Variants in TENM1 observed in about 807,000 individuals in gnomAD.
The protein encoded by TENM1 is teneurin transmembrane protein 1.
Under a neutral mutation model 174.8 loss-of-function variants are expected in TENM1, and 35 were observed. The observed-to-expected ratio is 0.20, with a 90% confidence interval of 0.15 to 0.27. The LOEUF is 0.27. TENM1 is among the 10% of genes least tolerant of loss of function. TENM1 has a pLI of 1.00. For synonymous variants in TENM1, 781 were observed against 798.7 expected, an observed-to-expected ratio of 0.98 and a Z score of 0.37; for missense variants, 1,633 against 2,130.1, an observed-to-expected ratio of 0.77 and a Z score of 4.59.
chrX:124,460,990 C>G (rs941807915), intron 22 of TENM1, among the ~76,000 whole-genome samples: 3 of 111,813 alleles, frequency 2.7e-5, no homozygotes, highest in African/African-American at 9.7e-5. Context: ...TGACCCGTCC[C>G]AAAAATTGTT....
chrX:124,864,414 T>C (rs1484108680), intron 3 of TENM1, among the ~76,000 whole-genome samples: 1 of 111,717 alleles, frequency 9.0e-6, no homozygotes, highest in African/African-American at 3.3e-5. Context: ...AATAATTCAA[T>C]AGAGTCAAGC....
intron 3 of TENM1, among the ~76,000 whole-genome samples, chrX:124,809,843 G>GGAGAGAGAGAGAGAGAGAGA: frequency 1.3e-5 from 1 of 78,674 alleles, no homozygotes; most frequent in Non-Finnish European, 2.4e-5. Context: ...CATGACAGCA[G>GGAGAGAGAGAGAGAGAGAGA]GAGAGAGAGA....
rs187086769 is a variant in TENM1 at position 124,924,819 on chromosome X, C to T, written c.218-28578G>A. Among the ~76,000 whole-genome samples the T allele has an allele frequency of 5.9e-3, 656 of 111,146 alleles. 2 individuals are homozygous for T. The highest frequency in any genetic ancestry group is 0.021 in the African/African-American group (633 of 30,608). On this transcript the variant is annotated intron_variant, in intron 1 of 31. Coordinates refer to ENST00000422452, the Ensembl canonical transcript of TENM1. Reference sequence around the variant, plus strand: ...ATTTGTGGCTGGACGAGGAAGGAGTCTTCATGCCATACTTCACTGTGCACT... The same window carrying T: ...ATTTGTGGCTGGACGAGGAAGGAGTTTTCATGCCATACTTCACTGTGCACT...
intron 5 of TENM1, among the ~76,000 whole-genome samples, chrX:124,696,590 T>C (rs1487724571): frequency 2.7e-5 from 3 of 111,351 alleles, no homozygotes; most frequent in African/African-American, 9.8e-5. Context: ...CTGCTTGTTA[T>C]GAGTAAAATC....
chrX:124,972,741 C>T, the TENM1 span, among the ~76,000 whole-genome samples: 1 of 111,958 alleles, frequency 8.9e-6, no homozygotes, highest in Non-Finnish European at 1.9e-5. Context: ...ATTTTATGTA[C>T]TGAATATGGG....
At chrX:124,723,466 G>A (rs1293192525) in intron 4 of TENM1, among the ~76,000 whole-genome samples, 2 of 111,037 alleles carry the variant, frequency 1.8e-5, no homozygotes, top group Non-Finnish European at 3.8e-5. Context: ...TTGGTTTTTG[G>A]CTTTCTTTTA....
chrX:124,609,422 C>T lies in TENM1; in HGVS notation c.2077+32369G>A, dbSNP rs190005457. ...TTTTTCCTCACACATGTATCTAAAG[C>T]CTTTGGTTTTGAGCGAGACATGCTA... On this transcript the variant is annotated intron_variant, in intron 11 of 31. Transcript: ENST00000422452. 6.3e-5 allele frequency among the ~76,000 whole-genome samples: 7 copies of T among 110,857 alleles called. No individual in the cohort carries two copies. In the Admixed American group the frequency reaches 6.7e-4, roughly 11 times the overall value.
At chrX:124,419,353 C>G (rs1289110757) in intron 25 of TENM1, among the ~76,000 whole-genome samples, 47 of 111,751 alleles carry the variant, frequency 4.2e-4, no homozygotes, top group Non-Finnish European at 1.9e-5. Context: ...ACTTTAACAT[C>G]TCCACTTCTC....
intron 3 of TENM1, among the ~76,000 whole-genome samples, chrX:124,855,829 A>G (rs2056805331): frequency 9.0e-6 from 1 of 111,681 alleles, no homozygotes; most frequent in Non-Finnish European, 1.9e-5. Context: ...GTGGAAAAAT[A>G]AAGAAAAGAG....
chrX:125,176,425 C>T, the TENM1 span, among the ~76,000 whole-genome samples: 1 of 111,152 alleles, frequency 9.0e-6, no homozygotes, highest in African/African-American at 3.3e-5. Context: ...AATGATTAAG[C>T]GAAGATTTCC....
chrX:124,483,730 T>C (rs961196162), intron 21 of TENM1, among the ~76,000 whole-genome samples: 14 of 112,080 alleles, frequency 1.2e-4, no homozygotes, highest in Admixed American at 2.8e-4. Context: ...GACCTACTTG[T>C]GTGCAAGATA....
the TENM1 span, among the ~76,000 whole-genome samples, chrX:125,139,205 T>C: frequency 9.0e-5 from 10 of 111,499 alleles, no homozygotes; most frequent in African/African-American, 2.9e-4. Context: ...AATAAAATAA[T>C]TGCAGATTGT....
intron 12 of TENM1, among the ~76,000 whole-genome samples, chrX:124,564,773 T>C (rs1050249034): frequency 2.7e-5 from 3 of 111,981 alleles, no homozygotes; most frequent in Non-Finnish European, 5.6e-5. Flanking sequence ...TTTTCCATAT[T>C]CACAGATCAT....
chrX:125,057,985 A>G, the TENM1 span, among the ~76,000 whole-genome samples: 15 of 111,790 alleles, frequency 1.3e-4, no homozygotes, highest in African/African-American at 4.5e-4. Context: ...TCTATTGTAC[A>G]ATCCAATCTA....
At chrX:124,709,322 G>A (rs192842312) in intron 4 of TENM1, among the ~76,000 whole-genome samples, 2 of 111,499 alleles carry the variant, frequency 1.8e-5, no homozygotes, top group Admixed American at 1.9e-4. Flanking sequence ...CAGTCTGGCT[G>A]CAGAGCCACT....
intron 11 of TENM1, among the ~76,000 whole-genome samples, chrX:124,612,112 T>C (rs1210125326): frequency 3.6e-5 from 4 of 111,984 alleles, no homozygotes; most frequent in African/African-American, 1.3e-4. Flanking sequence ...GAAGAACATT[T>C]TCAATCAAGA....
intron 11 of TENM1, among the ~76,000 whole-genome samples, chrX:124,580,409 TATATATACACATATAC>T (rs201610683): frequency 0.035 from 3,890 of 110,197 alleles, 84 homozygotes; most frequent in South Asian, 0.18. Flanking sequence ...TATATATATG[TATATATACACATATAC>T]ATATATACAC....
chrX:125,042,559 CA>C, the TENM1 span, among the ~76,000 whole-genome samples: 3 of 111,229 alleles, frequency 2.7e-5, no homozygotes, highest in Non-Finnish European at 5.7e-5. Flanking sequence ...ACTAATCAGG[CA>C]AAAATATGTC....
At chrX:124,430,929 T>C (rs957800743) in intron 23 of TENM1, among the ~76,000 whole-genome samples, 1 of 111,904 alleles carries the variant, frequency 8.9e-6, no homozygotes, top group Admixed American at 9.5e-5. Flanking sequence ...TTAATTGATT[T>C]CCTTTCTTCT....
Sources: gnomAD v4.1 joint callset for allele counts (sites outside exome capture counted in the v4.1 genomes callset) on GRCh38, gnomAD v4.1.1 for gene constraint, MANE v1.5 for transcripts, NCBI Gene and HGNC (gene_info 2026-07-23, HGNC 2026-07-21) for gene names.